DOCK8: variants seen among roughly 807,000 people sequenced by gnomAD.
DOCK8 encodes dedicator of cytokinesis protein 8.
A neutral mutation model predicts 245.6 loss-of-function variants in DOCK8; 141 were observed. The observed-to-expected ratio is 0.57, with a 90% CI of 0.50 to 0.66. The LOEUF is 0.66. Ranked by LOEUF, DOCK8 falls within the 30% of genes least tolerant of loss-of-function variation. The pLI is 0.00. For missense variants in DOCK8, 2,965 were observed against 2,603.4 expected (o/e 1.14, Z -3.02); for synonymous variants, 1,168 against 970.2 (o/e 1.20, Z -3.79).
intron 32 of DOCK8, among the ~76,000 whole-genome samples, chr9:421,334 TA>T (rs2056270548): frequency 6.6e-6 from 1 of 152,208 alleles, no homozygotes. Context: ...TCGTTGATGG[TA>T]AAAGGTCACC....
intron 4 of DOCK8, among the ~76,000 whole-genome samples, chr9:295,399 C>G (rs917233970): frequency 6.6e-6 from 1 of 152,054 alleles, no homozygotes; most frequent in East Asian, 1.9e-4. Context: ...GAAATCAATT[C>G]CAGTTATCCC....
intron 18 of DOCK8, among the ~76,000 whole-genome samples, chr9:375,413 C>T (rs1427424099): frequency 2.6e-5 from 4 of 152,164 alleles, no homozygotes; most frequent in Admixed American, 2.0e-4. Context: ...CCGACCTGGC[C>T]TAGAAACATG....
chr9:339,159 A>C (rs2051455200), intron 13 of DOCK8, 60 bp downstream of exon 13: 1 of 1,390,878 alleles, frequency 7.2e-7, no homozygotes, highest in Non-Finnish European at 1.0e-6. Context: ...CGTTAGACAC[A>C]GTCTTTGTCT....
Position 382,570 on chromosome 9 carries a change from C to T in DOCK8, c.2663C>T (p.Ala888Val). The T allele has an allele frequency of 6.2e-7, 1 of 1,614,166 alleles. No individual in the cohort carries two copies. Among genetic ancestry groups the T allele is most frequent in the Non-Finnish European group, 8.5e-7 (1 of 1,180,008 alleles). ...TACCACACGTATGGCCGCACATCAGCTGCTGCTGTGAGTTCAAAGCTGCTG... is the reference window on the plus strand; with the variant it reads ...TACCACACGTATGGCCGCACATCAGTTGCTGCTGTGAGTTCAAAGCTGCTG... ...RSYHTYGRTS[A>V]AAVSSKLLQA... The change falls in exon 22 of 48, where the codon GCT becomes GTT. Residue 888 changes from alanine (A) to valine (V), a missense_variant. Ala to Val is a moderately conservative substitution (Grantham distance 64, BLOSUM62 0). This residue lies in a region of DOCK8 where 2,825 missense variants were observed against 2,453.5 expected (regional missense o/e 1.15). Transcript: ENST00000432829.
At position 400,967 on chromosome 9, in the gene DOCK8, TCC is replaced by T. The variant is rs2055032400; in HGVS notation, c.3234+1709_3234+1710del. On this transcript the variant is annotated intron_variant, in intron 26 of 47. Transcript: ENST00000432829. ...CACCATCACCACCACCACCACCACC[TCC>T]TCCACCATCACCACCTCCTCCACCA... Among the ~76,000 whole-genome samples, 14 of 42,354 alleles carry T rather than the reference TCC, an allele frequency of 3.3e-4. 2 individuals are homozygous for T. The highest frequency in any genetic ancestry group is 1.4e-3 in the Admixed American group (6 of 4,262). The allele number at this position is 42,354 out of a possible 152,430, so 27.8% of individuals were successfully genotyped here. A position where few individuals can be genotyped will look rare whatever the true frequency, so the allele number is the denominator to read the frequency against.
chr9:416,077 A>C (rs569884510), intron 29 of DOCK8, among the ~76,000 whole-genome samples: 11 of 152,182 alleles, frequency 7.2e-5, no homozygotes, highest in Non-Finnish European at 1.3e-4. Context: ...GCAAACTGCT[A>C]ATGGAGTAAC....
intron 25 of DOCK8, among the ~76,000 whole-genome samples, chr9:397,985 G>A (rs1048283067): frequency 9.2e-5 from 14 of 152,136 alleles, no homozygotes; most frequent in African/African-American, 3.1e-4. Flanking sequence ...ATGTTTAAAA[G>A]GCAGCTACAA....
chr9:359,587 G>A (rs2052620482), intron 14 of DOCK8, among the ~76,000 whole-genome samples: 1 of 152,042 alleles, frequency 6.6e-6, no homozygotes, highest in Non-Finnish European at 1.5e-5. Context: ...ATTTCCTTCT[G>A]AATCCTTGAA....
rs2131204071 is a variant in DOCK8, at chr9:370,298, T to G, written c.1866T>G (p.Asn622Lys). ...TGTACACAGCTGTTACATACCATAA[T>G]AAGTAAGTCTATTTCAGCATTCTAA... The part of the protein sequence containing the change: ...QEVYTAVTYH[N>K]KSPDFYEEVK... The change falls in exon 16 of 48, where the codon AAT (asparagine) becomes AAG (lysine). Residue 622 changes from asparagine to lysine, a missense_variant and splice_region_variant. Asn to Lys is a moderately conservative substitution (Grantham distance 94). Around this residue, in one of 3 missense-constraint regions of DOCK8, gnomAD observed 2,825 missense variants for 2,453.5 expected, o/e 1.15. Transcript: ENST00000432829. The G allele has an allele frequency of 1.2e-6, 2 of 1,613,774 alleles. No homozygotes were observed. Among genetic ancestry groups the G allele is most frequent in the East Asian group, 4.5e-5 (2 of 44,886 alleles).
intron 1 of DOCK8, among the ~76,000 whole-genome samples, chr9:220,477 A>G (rs923893675): frequency 6.6e-6 from 1 of 152,184 alleles, no homozygotes; most frequent in Non-Finnish European, 1.5e-5. Context: ...TCAACTCCCC[A>G]TAAAGGTAGT....
chr9:293,463 G>T (rs752756678), intron 4 of DOCK8, among the ~76,000 whole-genome samples: 1 of 152,242 alleles, frequency 6.6e-6, no homozygotes, highest in Admixed American at 6.5e-5. Flanking sequence ...AGGACAAGGA[G>T]AAGGTGGTGA....
intron 4 of DOCK8, among the ~76,000 whole-genome samples, chr9:293,366 C>T (rs895031885): frequency 6.6e-6 from 1 of 152,238 alleles, no homozygotes; most frequent in Non-Finnish European, 1.5e-5. Flanking sequence ...AGATGTCCTT[C>T]ATCTCCCAAC....
At chr9:351,506 G>C (rs944983641) in intron 14 of DOCK8, among the ~76,000 whole-genome samples, 1 of 152,230 alleles carries the variant, frequency 6.6e-6, no homozygotes, top group African/African-American at 2.4e-5. Context: ...TCAGGTACTA[G>C]TTTTTGTTAA....
At chr9:426,239 C>G (rs1054391315) in intron 33 of DOCK8, among the ~76,000 whole-genome samples, 13 of 152,180 alleles carry the variant, frequency 8.5e-5, no homozygotes, top group Admixed American at 3.9e-4. Flanking sequence ...TTTCCCATTC[C>G]CTAGTGGGCA....
In DOCK8 at chr9:377,119, C is replaced by G; in HGVS notation, c.2348C>G (p.Ser783Cys). 6.2e-7 allele frequency: 1 copy of G among 1,610,732 alleles called. No individual in the cohort carries two copies. Among genetic ancestry groups the G allele is most frequent in the South Asian group, 1.1e-5 (1 of 91,028 alleles). Residue 783 changes from serine (S) to cysteine (C), a missense_variant, in exon 20 of 48, where the codon TCC (serine) becomes TGC (cysteine). Physicochemically the swap from Ser to Cys is moderately radical, Grantham distance 112. Around this residue, in one of 3 missense-constraint regions of DOCK8, gnomAD observed 2,825 missense variants for 2,453.5 expected, o/e 1.15. Transcript: ENST00000432829. ...CTCAGCATCATCTGCCTGAACTCCT[C>G]CCGCCTGGAGCCGCTCGTGCTCTTC... ...LKLSIICLNSSRLEPLVLFLH... is the reference protein window; with the variant it reads ...LKLSIICLNSCRLEPLVLFLH...
intron 4 of DOCK8, among the ~76,000 whole-genome samples, chr9:298,787 G>A (rs2049390692): frequency 1.3e-5 from 2 of 151,858 alleles, no homozygotes; most frequent in South Asian, 4.1e-4. Flanking sequence ...AAGGTCTTTA[G>A]GTAGCTGCTT....
chr9:405,750 A>C (rs775179374), intron 27 of DOCK8, among the ~76,000 whole-genome samples: 24 of 152,214 alleles, frequency 1.6e-4, no homozygotes, highest in Admixed American at 1.4e-3. Flanking sequence ...ACTAGTACAA[A>C]AGTGAAGGCT....
At position 222,302 on chromosome 9, in the gene DOCK8, C is replaced by T. The variant is rs139301712; in HGVS notation, c.53+7273C>T. Among the ~76,000 whole-genome samples the T allele has an allele frequency of 3.0e-3, 455 of 152,162 alleles. 19 individuals carry two copies. The highest frequency in any genetic ancestry group is 0.025 in the Admixed American group (383 of 15,296). ...AAAAACCAAAAGAGATAGGTTCTGA[C>T]TTTTCACAATAGTGTATAGAGTTTG... On this transcript the variant is annotated intron_variant, in intron 1 of 47. Transcript: ENST00000432829.
chr9:241,590 G>A (rs933290236), intron 1 of DOCK8, among the ~76,000 whole-genome samples: 1 of 152,138 alleles, frequency 6.6e-6, no homozygotes, highest in African/African-American at 2.4e-5. Flanking sequence ...ATTCCAGTGT[G>A]TATCTATCCC....
Sources: gnomAD v4.1 joint callset for allele counts (sites outside exome capture counted in the v4.1 genomes callset) on GRCh38, gnomAD v4.1.1 for gene constraint, gnomAD v4.1.1 regional missense constraint, MANE v1.5 for transcripts, NCBI Gene and HGNC (gene_info 2026-07-23, HGNC 2026-07-21) for gene names.